The following CPB1 variants were observed in gnomAD, a reference collection of about 807,000 sequenced individuals.
CPB1 encodes carboxypeptidase B.
A neutral mutation model predicts 51.4 loss-of-function variants in CPB1; 53 were observed. The observed-to-expected ratio is 1.03, with a 90% CI of 0.83 to 1.30. The LOEUF is 1.30. Ranked by LOEUF, CPB1 falls within the 50% of genes most tolerant of loss-of-function variation. The pLI is 0.00. For missense variants in CPB1, 494 were observed against 516.2 expected (o/e 0.96, Z 0.42); for synonymous variants, 189 against 186.9 (o/e 1.01, Z -0.09).
At chr3:148,850,198 A>C (rs1471825157) in intron 9 of CPB1, among the ~76,000 whole-genome samples, 1 of 152,230 alleles carries the variant, frequency 6.6e-6, no homozygotes, top group Non-Finnish European at 1.5e-5. Context: ...AAATTATTAA[A>C]TGTGAACAAA....
At chr3:148,843,574 C>T (rs1576570487) in intron 6 of CPB1, among the ~76,000 whole-genome samples, 1 of 152,120 alleles carries the variant, frequency 6.6e-6, no homozygotes, top group East Asian at 1.9e-4. Context: ...ATTAAAAGAA[C>T]ATGATTGCAT....
chr3:148,833,627 G>A (rs1712803815), intron 2 of CPB1, among the ~76,000 whole-genome samples: 1 of 152,058 alleles, frequency 6.6e-6, no homozygotes, highest in South Asian at 2.1e-4. Flanking sequence ...AGACTTCTAG[G>A]CTTCCACTCG....
At chr3:148,857,082 T>TGCTTTG (rs1713594353) in intron 9 of CPB1, 1 of 154,820 alleles carries the variant, frequency 6.5e-6, no homozygotes, top group African/African-American at 2.4e-5. Flanking sequence ...TTTTTTTTTT[T>TGCTTTG]TTGCTTTGTT....
At chr3:148,853,217 G>A (rs1327007839) in intron 9 of CPB1, among the ~76,000 whole-genome samples, 1 of 152,126 alleles carries the variant, frequency 6.6e-6, no homozygotes, top group Non-Finnish European at 1.5e-5. Flanking sequence ...AGTTGGTTTG[G>A]AGCTTTTGTT....
At chr3:148,849,525 C>T (rs1713361359) in intron 9 of CPB1, among the ~76,000 whole-genome samples, 1 of 152,208 alleles carries the variant, frequency 6.6e-6, no homozygotes, top group African/African-American at 2.4e-5. Flanking sequence ...CAGGAAGAAG[C>T]TCCCAATCTT....
chr3:148,856,028 G>A (rs1417606730), intron 9 of CPB1: 1 of 152,016 alleles, frequency 6.6e-6, no homozygotes, highest in African/African-American at 2.4e-5. Context: ...TTAAACAAAG[G>A]GTTAAAAAAA....
chr3:148,849,849 A>G (rs1438538267), intron 9 of CPB1, among the ~76,000 whole-genome samples: 1 of 152,274 alleles, frequency 6.6e-6, no homozygotes, highest in African/African-American at 2.4e-5. Flanking sequence ...TAGTCAGGGT[A>G]GCCCTGGGTC....
At chr3:148,852,110 G>A (rs1230865568) in intron 9 of CPB1, among the ~76,000 whole-genome samples, 1 of 152,196 alleles carries the variant, frequency 6.6e-6, no homozygotes, top group Non-Finnish European at 1.5e-5. Context: ...TAGCAACAGT[G>A]ACCTAGCAGA....
chr3:148,854,509 T>A (rs578003952), intron 9 of CPB1: 1 of 152,130 alleles, frequency 6.6e-6, no homozygotes, highest in Admixed American at 6.5e-5. Flanking sequence ...ACAGAAGATG[T>A]CAATGTCTAA....
intron 2 of CPB1, among the ~76,000 whole-genome samples, chr3:148,831,054 T>C (rs1712720554): frequency 6.6e-6 from 1 of 152,182 alleles, no homozygotes; most frequent in Admixed American, 6.5e-5. Context: ...TCCTTTTAAA[T>C]GCTGAATATA....
chr3:148,837,661 A>G (rs1712945857), intron 3 of CPB1, among the ~76,000 whole-genome samples: 1 of 151,892 alleles, frequency 6.6e-6, no homozygotes, highest in Non-Finnish European at 1.5e-5. Flanking sequence ...TTTGTCCTAA[A>G]TCTAATAAAA....
At chr3:148,827,961 T>A in intron 1 of CPB1, 41 bp from the exon 2 acceptor site, 1 of 1,612,208 alleles carries the variant, frequency 6.2e-7, no homozygotes. Context: ...GACACATTAC[T>A]CATTTCCAAT....
At chr3:148,836,840 G>C (rs1712919973) in intron 3 of CPB1, among the ~76,000 whole-genome samples, 1 of 152,100 alleles carries the variant, frequency 6.6e-6, no homozygotes, top group South Asian at 2.1e-4. Flanking sequence ...CTAGTATTTA[G>C]ACGATTTCCT....
intron 3 of CPB1, among the ~76,000 whole-genome samples, chr3:148,834,907 A>G (rs1482623263): frequency 1.3e-5 from 2 of 152,246 alleles, no homozygotes; most frequent in African/African-American, 2.4e-5. Context: ...TATAGAGTAC[A>G]GGCCTAGCCA....
At position 148,857,700 on chromosome 3, in the gene CPB1, A is replaced by AG; in HGVS notation, c.1066+159_1066+160insG. 3 of 524,030 alleles carry AG rather than the reference A, an allele frequency of 5.7e-6. No individual in the cohort carries two copies. In the East Asian group the frequency reaches 9.3e-5, roughly 16 times the overall value. 32.5% of individuals were successfully genotyped at this position (524,030 alleles called of 1,614,324 possible). A position where few individuals can be genotyped will look rare whatever the true frequency, so the allele number is the denominator to read the frequency against. ...ATCAGTTTTCTGTTCAAAAAAAAAA[A>AG]AAGGAGGGAAAGCCTGGACAACATA... On this transcript the variant is annotated intron_variant, in intron 10 of 10. Coordinates refer to ENST00000282957, the MANE Select transcript of CPB1 (RefSeq NM_001871.3).
At chr3:148,856,899 C>G (rs1193167624) in intron 9 of CPB1, 1 of 152,112 alleles carries the variant, frequency 6.6e-6, no homozygotes, top group Non-Finnish European at 1.5e-5. Flanking sequence ...CAAGCTGGAG[C>G]TACCACTCAT....
In CPB1 at chr3:148,830,509, T is replaced by C. The variant is rs574764182; in HGVS notation, c.147+2432T>C. On this transcript the variant is annotated intron_variant, in intron 2 of 10. Coordinates refer to ENST00000282957, the MANE Select transcript of CPB1 (RefSeq NM_001871.3). ...GTTGTGAGAGGTAAATGAATTAATA[T>C]AGGTAAAGCAATTAGAAAGAACTTA... Among the ~76,000 whole-genome samples, 3 of 152,142 alleles carry C rather than the reference T, an allele frequency of 2.0e-5. No homozygotes were observed. In the East Asian group the frequency reaches 5.8e-4, roughly 29 times the overall value.
intron 2 of CPB1, among the ~76,000 whole-genome samples, 199 bp from the exon 3 acceptor site, chr3:148,834,299 T>C (rs908456764): frequency 3.3e-5 from 5 of 152,224 alleles, no homozygotes; most frequent in Non-Finnish European, 7.3e-5. Flanking sequence ...ATCAAGGTTA[T>C]GTATATATTT....
At chr3:148,841,703 C>A (rs1467630369) in intron 5 of CPB1, 120 bp from the exon 6 acceptor site, 2 of 658,026 alleles carry the variant, frequency 3.0e-6, no homozygotes, top group East Asian at 2.6e-5. Context: ...ATCATGGGAT[C>A]CAGCTCTTGC....
Sources: allele counts gnomAD v4.1 joint callset (sites outside exome capture counted in the v4.1 genomes callset), GRCh38; gene constraint gnomAD v4.1.1; transcripts MANE v1.5; gene names NCBI Gene and HGNC (gene_info 2026-07-23, HGNC 2026-07-21).